NDRG2: variants seen among roughly 807,000 people sequenced by gnomAD.
NDRG2 encodes the protein protein NDRG2.
NDRG2 carries 34 observed loss-of-function variants against 58.2 expected under a neutral mutation model. That is an observed-to-expected ratio of 0.58 (90% CI 0.44 to 0.78). The LOEUF (loss-of-function observed/expected upper bound fraction) is 0.78. Ranked by LOEUF, NDRG2 falls within the 30% of genes least tolerant of loss-of-function variation. The pLI is 0.00. For missense variants in NDRG2, 434 were observed against 471.2 expected, an observed-to-expected ratio of 0.92 and a Z score of 0.73; for synonymous variants, 187 against 175.9, an observed-to-expected ratio of 1.06 and a Z score of -0.50.
chr14:21,019,089 G>A (rs1263306452), intron 11 of NDRG2, 27 bp downstream of exon 11: 19 of 1,585,334 alleles, frequency 1.2e-5, no homozygotes, highest in Admixed American at 3.8e-5. Context: ...AGGGAGACAG[G>A]CAATGCATTA....
intron 1 of NDRG2, chr14:21,033,339 T>C (rs1480836333): frequency 1.0e-5 from 3 of 287,252 alleles, no homozygotes; most frequent in Non-Finnish European, 1.3e-5. Flanking sequence ...GAGGTTCCTA[T>C]AGCTAGCCAT....
chr14:21,018,350 G>A, intron 13 of NDRG2, 107 bp downstream of exon 13: 4 of 1,601,266 alleles, frequency 2.5e-6, no homozygotes, highest in East Asian at 2.2e-5. Context: ...CCTTTGTTTT[G>A]TTCTTCGTTC....
At chr14:21,034,354 T>C (rs1594485335) in intron 1 of NDRG2, 6 of 1,143,398 alleles carry the variant, frequency 5.2e-6, no homozygotes, top group Non-Finnish European at 3.8e-6. Flanking sequence ...GTCTGCCACA[T>C]CCCAGAGCCT....
chr14:21,020,393 T>C (rs548562500), intron 8 of NDRG2, 103 bp downstream of exon 8: 2 of 889,300 alleles, frequency 2.2e-6, no homozygotes, highest in African/African-American at 1.7e-5. Context: ...TACTCCCTCC[T>C]TGAAGTTCAG....
chr14:21,065,139 C>T (rs141438633), intron 1 of NDRG2, among the ~76,000 whole-genome samples: 149 of 151,988 alleles, frequency 9.8e-4, no homozygotes, highest in African/African-American at 3.3e-3. Flanking sequence ...CCACTGCACT[C>T]CAGCCTGGGC....
At chr14:21,060,978 G>A (rs902183122) in intron 1 of NDRG2, among the ~76,000 whole-genome samples, 3 of 152,210 alleles carry the variant, frequency 2.0e-5, no homozygotes, top group African/African-American at 7.2e-5. Context: ...CGGCCTTGGA[G>A]GGGGCCGTGA....
chr14:21,023,995 A>T (rs745480563), intron 1 of NDRG2, 35 bp downstream of exon 1: 25 of 985,700 alleles, frequency 2.5e-5, no homozygotes, highest in Non-Finnish European at 3.0e-5. Flanking sequence ...CCTGCACAGG[A>T]AGGAGCCTGC....
At chr14:21,030,515 C>G, upstream of NDRG2, 1 of 1,512,658 alleles carries the variant, frequency 6.6e-7, no homozygotes, top group Non-Finnish European at 9.0e-7. Flanking sequence ...CTCCACAGTC[C>G]TCCCTCCCCC....
intron 1 of NDRG2, among the ~76,000 whole-genome samples, chr14:21,039,482 T>TGAAA (rs1884794625): frequency 6.6e-6 from 1 of 152,230 alleles, no homozygotes; most frequent in African/African-American, 2.4e-5. Context: ...CCTGAACCAG[T>TGAAA]CCCTGGCCTG....
At chr14:21,060,403 A>C (rs1178487776) in intron 1 of NDRG2, among the ~76,000 whole-genome samples, 2 of 152,146 alleles carry the variant, frequency 1.3e-5, no homozygotes, top group Non-Finnish European at 2.9e-5. Context: ...AGTGAGACAG[A>C]AGCAGCATTC....
In NDRG2 at chr14:21,024,430, A is replaced by T; in HGVS notation, c.-407T>A. 1.1e-6 allele frequency: 1 copy of T among 916,164 alleles called. No individual in the cohort carries two copies. The highest frequency in any genetic ancestry group is 1.3e-6 in the Non-Finnish European group (1 of 767,030). 56.8% of individuals were successfully genotyped at this position (916,164 alleles called of 1,614,324 possible). A position where few individuals can be genotyped will look rare whatever the true frequency, so the allele number is the denominator to read the frequency against. Reference sequence around the variant, plus strand: ...TGACCTTGCCCCAGTTAGTTACTACATTTGGCCTCAATTTTCTATCTGCAG... The same window carrying T: ...TGACCTTGCCCCAGTTAGTTACTACTTTTGGCCTCAATTTTCTATCTGCAG... On this transcript the variant is annotated 5_prime_UTR_variant, in exon 1 of 16. It removes an upstream start codon present in the reference 5' UTR. Transcript: ENST00000556147.
chr14:21,031,052 G>C, intron 1 of NDRG2: 1 of 1,614,044 alleles, frequency 6.2e-7, no homozygotes, highest in Non-Finnish European at 8.5e-7. Context: ...ACAGTTCAAA[G>C]AGGCAGTGAA....
chr14:21,046,058 T>C (rs533485319), intron 1 of NDRG2, among the ~76,000 whole-genome samples: 1 of 152,336 alleles, frequency 6.6e-6, no homozygotes, highest in African/African-American at 2.4e-5. Flanking sequence ...CAAATATGTA[T>C]ACTTCTTAAG....
chr14:21,027,218 T>C (rs144941611), upstream of NDRG2, among the ~76,000 whole-genome samples: 1,585 of 152,328 alleles, frequency 0.01, 16 homozygotes, highest in South Asian at 0.027. Flanking sequence ...GGTTCTTCCA[T>C]GTCAGGGCAG....
intron 1 of NDRG2, among the ~76,000 whole-genome samples, chr14:21,057,024 C>T (rs1387164643): frequency 1.3e-5 from 2 of 152,176 alleles, no homozygotes; most frequent in South Asian, 2.1e-4. Context: ...AGAAACTGGG[C>T]CACAGAATGG....
chr14:21,022,029 A>G, intron 5 of NDRG2, 33 bp downstream of exon 5: 1 of 1,613,958 alleles, frequency 6.2e-7, no homozygotes, highest in South Asian at 1.1e-5. Context: ...TGTTCCTCAC[A>G]GTCTGGTGAA....
intron 1 of NDRG2, chr14:21,042,387 T>C (rs1056654908): frequency 3.2e-5 from 5 of 155,020 alleles, no homozygotes; most frequent in African/African-American, 1.3e-4. Flanking sequence ...TAGGAGTGCG[T>C]GGACACCACC....
chr14:21,027,655 A>C (rs1018927732), upstream of NDRG2, among the ~76,000 whole-genome samples: 1 of 152,332 alleles, frequency 6.6e-6, no homozygotes, highest in Admixed American at 6.5e-5. Context: ...AAATGCGGTA[A>C]TACCTACACA....
intron 1 of NDRG2, among the ~76,000 whole-genome samples, chr14:21,067,783 CACTTTT>C (rs991907065): frequency 1.3e-3 from 194 of 151,744 alleles, no homozygotes; most frequent in African/African-American, 4.6e-3. Context: ...CACACACACA[CACTTTT>C]AGGTAAGAGC....
Sources: allele counts gnomAD v4.1 joint callset (sites outside exome capture counted in the v4.1 genomes callset), GRCh38; gene constraint gnomAD v4.1.1; transcripts MANE v1.5; gene names NCBI Gene and HGNC (gene_info 2026-07-23, HGNC 2026-07-21).